XKR9: variants seen among roughly 807,000 people sequenced by gnomAD.
XKR9 encodes the protein XK related 9, also known as XK-related protein 9.
Under a neutral mutation model 32.0 loss-of-function variants are expected in XKR9, and 32 were observed. That is an observed-to-expected ratio of 1.00 (90% confidence interval 0.76 to 1.34). The LOEUF is 1.34. XKR9 is among the 40% of genes most tolerant of loss of function. The pLI is 0.00. For synonymous variants in XKR9, 168 were observed against 143.4 expected, an observed-to-expected ratio of 1.17 and a Z score of -1.22; for missense variants, 546 against 429.7, an observed-to-expected ratio of 1.27 and a Z score of -2.39.
chr8:71,040,577 T>C, the XKR9 span, among the ~76,000 whole-genome samples: 2 of 152,178 alleles, frequency 1.3e-5, no homozygotes, highest in Non-Finnish European at 2.9e-5. Flanking sequence ...TCCTTTTTGG[T>C]TGAATCCCAC....
intron 3 of XKR9, among the ~76,000 whole-genome samples, chr8:70,688,851 C>T (rs1351537717): frequency 6.6e-6 from 1 of 151,794 alleles, no homozygotes; most frequent in Non-Finnish European, 1.5e-5. Flanking sequence ...TAGGTAGATA[C>T]CAGATAGCAG....
the XKR9 span, among the ~76,000 whole-genome samples, chr8:71,032,271 G>C: frequency 8.9e-6 from 1 of 111,916 alleles, no homozygotes; most frequent in African/African-American, 3.5e-5. Context: ...GTGACAGAGT[G>C]AGACTCTGTC....
At chr8:70,943,517 C>G in the XKR9 span, among the ~76,000 whole-genome samples, 2 of 151,942 alleles carry the variant, frequency 1.3e-5, no homozygotes, top group African/African-American at 2.4e-5. Flanking sequence ...TGGCTAAATA[C>G]AAAGTAATAC....
intron 3 of XKR9, among the ~76,000 whole-genome samples, chr8:70,685,599 T>C (rs13259146): frequency 1.3e-5 from 2 of 150,006 alleles, no homozygotes; most frequent in African/African-American, 4.9e-5. Context: ...ATGGATGAAA[T>C]TGGAAATCAT....
At chr8:70,930,779 C>T in the XKR9 span, among the ~76,000 whole-genome samples, 1 of 152,138 alleles carries the variant, frequency 6.6e-6, no homozygotes, top group Non-Finnish European at 1.5e-5. Flanking sequence ...CTCTCGTCAG[C>T]ACTTCATTTT....
downstream of XKR9, among the ~76,000 whole-genome samples, chr8:70,739,397 C>G (rs888512465): frequency 2.6e-5 from 4 of 152,188 alleles, no homozygotes; most frequent in African/African-American, 9.7e-5. Flanking sequence ...ATACAGCACA[C>G]TGATGGGTCT....
chr8:70,942,025 A>G, the XKR9 span, among the ~76,000 whole-genome samples: 2 of 152,106 alleles, frequency 1.3e-5, no homozygotes. Flanking sequence ...CTAGATAAGA[A>G]GCTATATACC....
chr8:70,829,015 C>T, the XKR9 span, among the ~76,000 whole-genome samples: 2 of 152,138 alleles, frequency 1.3e-5, no homozygotes, highest in Non-Finnish European at 2.9e-5. Context: ...GGAAATTCTC[C>T]CCTTGAGAGT....
At chr8:70,864,263 A>G in the XKR9 span, among the ~76,000 whole-genome samples, 4 of 152,212 alleles carry the variant, frequency 2.6e-5, no homozygotes, top group African/African-American at 9.6e-5. Context: ...GGAAAAAGGA[A>G]AAAGAAGTTG....
the XKR9 span, among the ~76,000 whole-genome samples, chr8:70,863,105 G>A: frequency 6.6e-6 from 1 of 152,166 alleles, no homozygotes; most frequent in Non-Finnish European, 1.5e-5. Context: ...GTAGGAGCCA[G>A]AGAGACTAGA....
At chr8:70,794,823 T>TGTGTGTGTGTGTG (rs1807808191), downstream of XKR9, among the ~76,000 whole-genome samples, 6 of 147,692 alleles carry the variant, frequency 4.1e-5, no homozygotes, top group African/African-American at 1.5e-4. Context: ...TAGTCTTCTT[T>TGTGTGTGTGTGTG]TGTGTGTGTG....
At chr8:70,942,185 C>G in the XKR9 span, among the ~76,000 whole-genome samples, 1 of 152,158 alleles carries the variant, frequency 6.6e-6, no homozygotes, top group Non-Finnish European at 1.5e-5. Flanking sequence ...CTAGCAAGCT[C>G]TTGCTCTAAC....
intron 4 of XKR9, among the ~76,000 whole-genome samples, chr8:70,727,504 G>C (rs1447426207): frequency 6.6e-6 from 1 of 151,932 alleles, no homozygotes; most frequent in Non-Finnish European, 1.5e-5. Flanking sequence ...GGATTCAGTC[G>C]ATTCTTCTTC....
the XKR9 span, among the ~76,000 whole-genome samples, chr8:70,975,207 T>C: frequency 6.6e-6 from 1 of 152,346 alleles, no homozygotes; most frequent in Admixed American, 6.5e-5. Context: ...TCCACTCTGA[T>C]GGTAGTTTCT....
chr8:70,752,666 T>C (rs997800611), intron 2 of XKR9, among the ~76,000 whole-genome samples: 5 of 151,932 alleles, frequency 3.3e-5, no homozygotes, highest in African/African-American at 1.2e-4. Flanking sequence ...CATAGCAAAG[T>C]CCAATTTATC....
chr8:70,899,798 T>A, the XKR9 span, among the ~76,000 whole-genome samples: 1 of 152,194 alleles, frequency 6.6e-6, no homozygotes, highest in Non-Finnish European at 1.5e-5. Flanking sequence ...CATTTTAAAG[T>A]GACAGAGTTC....
the XKR9 span, among the ~76,000 whole-genome samples, chr8:70,905,759 T>A: frequency 1.3e-5 from 2 of 152,208 alleles, no homozygotes; most frequent in Admixed American, 6.5e-5. Flanking sequence ...CTTTGTGGTT[T>A]TATCTACCTT....
the XKR9 span, among the ~76,000 whole-genome samples, chr8:70,814,206 C>T: frequency 7.2e-3 from 1,103 of 152,146 alleles, 6 homozygotes; most frequent in Non-Finnish European, 0.01. Context: ...AAAAACCAAA[C>T]ACCGCATGTT....
intron 4 of XKR9, among the ~76,000 whole-genome samples, chr8:70,717,944 CAG>C (rs1395071780): frequency 3.3e-5 from 5 of 152,164 alleles, no homozygotes; most frequent in Non-Finnish European, 1.5e-5. Context: ...ATCTCTAGGA[CAG>C]GGGCAAAATG....
Sources: gnomAD v4.1 joint callset for allele counts (sites outside exome capture counted in the v4.1 genomes callset) on GRCh38, gnomAD v4.1.1 for gene constraint, MANE v1.5 for transcripts, NCBI Gene and HGNC (gene_info 2026-07-23, HGNC 2026-07-21) for gene names.